Variants in CEP192 observed in about 807,000 individuals in gnomAD.
CEP192 encodes centrosomal protein 192, also known as centrosomal protein of 192 kDa.
In CEP192, 151 loss-of-function variants were observed where a neutral mutation model predicts 271.8. The ratio of observed to expected loss-of-function variants is 0.56; its 90% CI spans 0.49 to 0.64. CEP192 has a LOEUF of 0.64. CEP192 is among the 30% of genes least tolerant of loss of function. CEP192 has a pLI of 0.00. For missense variants in CEP192, 2,910 were observed against 3,020.5 expected (o/e 0.96, Z 0.86); for synonymous variants, 995 against 1,076.5 (o/e 0.92, Z 1.48).
intron 3 of CEP192, among the ~76,000 whole-genome samples, chr18:13,008,112 T>C (rs2145863718): frequency 6.6e-6 from 1 of 152,380 alleles, no homozygotes; most frequent in Middle Eastern, 3.4e-3. Flanking sequence ...TATGCCAATA[T>C]CCTTTAAGTC....
chr18:13,101,948 C>A (rs1308073388), intron 38 of CEP192, among the ~76,000 whole-genome samples: 2 of 152,158 alleles, frequency 1.3e-5, no homozygotes, highest in East Asian at 3.9e-4. Context: ...TGTTCCTCTC[C>A]CTCTCTGTTC....
intron 4 of CEP192, among the ~76,000 whole-genome samples, chr18:13,011,073 A>G (rs745598049): frequency 7.9e-5 from 12 of 151,104 alleles, no homozygotes; most frequent in Non-Finnish European, 1.8e-4. Context: ...CTAAAACTAC[A>G]AAAATTAGCT....
At chr18:13,048,761 G>C in intron 15 of CEP192, 98 bp from the exon 16 acceptor site, 1 of 758,904 alleles carries the variant, frequency 1.3e-6, no homozygotes, top group Admixed American at 2.9e-5. Flanking sequence ...GTATCCACTT[G>C]GAGGTTTTGA....
intron 42 of CEP192, among the ~76,000 whole-genome samples, chr18:13,115,873 A>G (rs185695512): frequency 5.2e-4 from 79 of 152,232 alleles, no homozygotes; most frequent in Middle Eastern, 3.4e-3. Context: ...GGGGAAGGTC[A>G]GATGTGCAGA....
chr18:13,089,584 C>G lies in CEP192; in HGVS notation c.6103+19C>G, dbSNP rs750212206. ...ACTGAAGGTAAGAATTCCGGCGTGT[C>G]TTGATGTATTAAATCTTTTGGGTCA... On this transcript the variant is annotated intron_variant, in intron 33 of 44. Coordinates refer to ENST00000506447, the MANE Select transcript of CEP192 (RefSeq NM_032142.4). The G allele has an allele frequency of 8.5e-6, 10 of 1,182,728 alleles. No homozygotes were observed. The South Asian group carries it at 1.2e-4, about 14-fold the overall frequency. 73.3% of individuals were successfully genotyped at this position (1,182,728 alleles called of 1,614,324 possible).
rs2037995035 is a variant in CEP192 at position 13,071,223 on chromosome 18, A to T, written c.5348+11A>T. 6.2e-7 allele frequency: 1 copy of T among 1,605,082 alleles called. No individual in the cohort carries two copies. The highest frequency in any genetic ancestry group is 2.2e-5 in the East Asian group (1 of 44,790). The stretch of plus-strand genomic sequence containing the variant: ...TCTAGGTAGAACACAGTAAGTGTCA[A>T]AGACTGACAAATCGTCCACTATTTA... On this transcript the variant is annotated intron_variant, in intron 28 of 44. Coordinates refer to ENST00000506447, the MANE Select transcript of CEP192 (RefSeq NM_032142.4).
At position 13,010,575 on chromosome 18, in the gene CEP192, G is replaced by A. The variant is rs115743526; in HGVS notation, c.466+1944G>A. Reference sequence around the variant, plus strand: ...AAAGGAAAAAGACGGGGCCGGGCACGGTGGCTCACACCGGTAATCTCAGCA... The same window carrying A: ...AAAGGAAAAAGACGGGGCCGGGCACAGTGGCTCACACCGGTAATCTCAGCA... On this transcript the variant is annotated intron_variant, in intron 4 of 44. Coordinates refer to ENST00000506447, the MANE Select transcript of CEP192 (RefSeq NM_032142.4). Among the ~76,000 whole-genome samples, 936 of 152,258 alleles carry A rather than the reference G, an allele frequency of 6.1e-3. 11 individuals carry two copies. The highest frequency in any genetic ancestry group is 0.021 in the African/African-American group (879 of 41,554).
Position 13,072,842 on chromosome 18 carries a change from TC to T in CEP192, c.5437del (p.Gln1813SerfsTer12). 2 of 1,608,254 alleles carry T rather than the reference TC, an allele frequency of 1.2e-6. No individual in the cohort carries two copies. Among genetic ancestry groups the T allele is most frequent in the Non-Finnish European group, 1.7e-6 (2 of 1,174,602 alleles). ...TTAGAGGACAAGATCAGGACTGCTTTCAGGTTCGTAGAGTACGTGGATTCTT... is the reference window on the plus strand; with the variant it reads ...TTAGAGGACAAGATCAGGACTGCTTTAGGTTCGTAGAGTACGTGGATTCTT... ...LIRGQDQDCFQLQNTFGSEQR... is the reference protein window; with the variant it reads ...LIRGQDQDCFXLQNTFGSEQR... On this transcript the variant is annotated frameshift_variant and splice_region_variant, in exon 29 of 45. Transcript: ENST00000506447. LOFTEE classifies it high-confidence loss of function.
At position 13,049,504 on chromosome 18, in the gene CEP192, G is replaced by A. The variant is rs2036659597; in HGVS notation, c.2713G>A (p.Asp905Asn). Residue 905 changes from aspartate (D) to asparagine (N), a missense_variant, in exon 16 of 45, where the codon GAT becomes AAT. Physicochemically the swap from Asp to Asn is conservative, Grantham distance 23. Transcript: ENST00000506447. ...AGCTACCTCAATTTCCACTCCATCT[G>A]ATAGTTATTCATCAGTGAGGAACCC... ...EKATSISTPS[D>N]SYSSVRNPRI... 6.2e-7 allele frequency: 1 copy of A among 1,613,914 alleles called. No individual in the cohort carries two copies. The highest frequency in any genetic ancestry group is 1.3e-5 in the African/African-American group (1 of 74,870).
intron 36 of CEP192, among the ~76,000 whole-genome samples, chr18:13,097,687 C>T (rs1373529694): frequency 6.0e-5 from 8 of 132,338 alleles, no homozygotes; most frequent in Admixed American, 7.9e-5. Context: ...GGGTGTTTCT[C>T]GCAGAGGGGG....
In CEP192 at chr18:13,019,113, G is replaced by T; in HGVS notation, c.957G>T (p.Arg319Ser). 1 of 1,542,388 alleles carries T rather than the reference G, an allele frequency of 6.5e-7. No homozygotes were observed. The highest frequency in any genetic ancestry group is 8.7e-7 in the Non-Finnish European group (1 of 1,143,530). Reference sequence around the variant, plus strand: ...CTATAGGTACTGGAGATAGTAGAAGGTACACAGATGGTATGTTACCATTTT... The same window carrying T: ...CTATAGGTACTGGAGATAGTAGAAGTTACACAGATGGTATGTTACCATTTT... Reference protein sequence around the residue: ...SNSIGTGDSRRYTDGMLPFSS... With the variant: ...SNSIGTGDSRSYTDGMLPFSS... The change falls in exon 9 of 45, where the codon AGG (arginine) becomes AGT (serine). Residue 319 changes from arginine to serine, a missense_variant. Transcript: ENST00000506447.
At chr18:13,011,658 A>C (rs888427185) in intron 4 of CEP192, among the ~76,000 whole-genome samples, 1 of 152,106 alleles carries the variant, frequency 6.6e-6, no homozygotes, top group Admixed American at 6.5e-5. Context: ...CTGGGATTAC[A>C]GGCATGCACC....
At chr18:13,104,097 A>G in intron 39 of CEP192, 1 of 314,326 alleles carries the variant, frequency 3.2e-6, no homozygotes. Context: ...AAATTAGAGA[A>G]TATGTGTGGA....
intron 21 of CEP192, among the ~76,000 whole-genome samples, chr18:13,066,443 T>A (rs923313000): frequency 6.6e-6 from 1 of 152,206 alleles, no homozygotes; most frequent in African/African-American, 2.4e-5. Flanking sequence ...TTTTTGATAT[T>A]TAAAAATTTT....
intron 3 of CEP192, among the ~76,000 whole-genome samples, chr18:13,003,396 C>G (rs1387025979): frequency 6.8e-6 from 1 of 147,980 alleles, no homozygotes; most frequent in Non-Finnish European, 1.5e-5. Flanking sequence ...TTGCAATGAG[C>G]CGAGATCACG....
At chr18:13,000,092 T>TCTCTCTC (rs796978417) in intron 2 of CEP192, among the ~76,000 whole-genome samples, 5 of 22,360 alleles carry the variant, frequency 2.2e-4, no homozygotes, top group African/African-American at 2.0e-3. Flanking sequence ...GTCTTCTCTC[T>TCTCTCTC]TTTTTTTTTT....
At chr18:13,079,085 C>T (rs1030813140) in intron 30 of CEP192, among the ~76,000 whole-genome samples, 6 of 151,928 alleles carry the variant, frequency 3.9e-5, no homozygotes, top group Non-Finnish European at 7.4e-5. Context: ...TGAATAGTGC[C>T]GCAATAAACA....
At position 13,068,371 on chromosome 18, in the gene CEP192, C is replaced by G; in HGVS notation, c.4771C>G (p.Leu1591Val). ...ASYDGQDPEF[L>V]MIWVLFHSPK... ...TTTAATTTTATAGGATCCAGAATTT[C>G]TGATGATTTGGGTTCTTTTCCATAG... Residue 1591 changes from leucine (L) to valine (V), a missense_variant, in exon 24 of 45, where the codon CTG (leucine) becomes GTG (valine). Coordinates refer to ENST00000506447, the MANE Select transcript of CEP192 (RefSeq NM_032142.4). 1 of 1,612,590 alleles carries G rather than the reference C, an allele frequency of 6.2e-7. No homozygotes were observed. The highest frequency in any genetic ancestry group is 1.1e-5 in the South Asian group (1 of 90,672).
Position 13,103,101 on chromosome 18 carries a change from G to A in CEP192, c.6872-408G>A, listed in dbSNP as rs529403075. Among the ~76,000 whole-genome samples the A allele has an allele frequency of 8.5e-5, 13 of 152,302 alleles. No homozygotes were observed. In the South Asian group the frequency reaches 2.7e-3, roughly 32 times the overall value. On this transcript the variant is annotated intron_variant, in intron 38 of 44. Transcript: ENST00000506447. ...CAAAGTAGAGGCCACACATGCGCAT[G>A]TCTTTTTCTCCCCTTTGCCACTGTC...
Sources: gnomAD v4.1 joint callset for allele counts (sites outside exome capture counted in the v4.1 genomes callset) on GRCh38, gnomAD v4.1.1 for gene constraint, MANE v1.5 for transcripts, NCBI Gene and HGNC (gene_info 2026-07-23, HGNC 2026-07-21) for gene names.